The following ALG5 variants were observed in gnomAD, a reference collection of about 807,000 sequenced individuals.
ALG5 encodes ALG5 dolichyl-phosphate beta-glucosyltransferase, also known as dolichyl-phosphate beta-glucosyltransferase.
In ALG5, 26 loss-of-function variants were observed where a neutral mutation model predicts 51.8. The observed-to-expected ratio is 0.50, with a 90% CI of 0.37 to 0.70. The LOEUF is 0.70. Among genes scored for constraint, ALG5 ranks in the 30% least tolerant of loss-of-function variants. The probability of loss-of-function intolerance (pLI) is 0.00; values close to 1 mark genes in which losing one functional copy is unlikely to be tolerated. For synonymous variants in ALG5, 141 were observed against 136.1 expected, an observed-to-expected ratio of 1.04 and a Z score of -0.25; for missense variants, 311 against 399.3, an observed-to-expected ratio of 0.78 and a Z score of 1.88.
At chr13:36,956,898 TAGA>T (rs1033861045) in intron 8 of ALG5, among the ~76,000 whole-genome samples, 3 of 151,980 alleles carry the variant, frequency 2.0e-5, no homozygotes, top group African/African-American at 7.3e-5. Context: ...GAAATGCTTA[TAGA>T]AGGACCCCTA....
chr13:36,996,617 G>A (rs1486159307), intron 1 of ALG5, among the ~76,000 whole-genome samples: 1 of 152,090 alleles, frequency 6.6e-6, no homozygotes, highest in East Asian at 1.9e-4. Flanking sequence ...GAAAAATACT[G>A]TAAATCATAA....
intron 8 of ALG5, chr13:36,952,862 G>A (rs1204063900): frequency 1.3e-5 from 3 of 230,144 alleles, no homozygotes; most frequent in Non-Finnish European, 2.5e-5. Flanking sequence ...AGCCTCATGG[G>A]TTCCAAGAAA....
At chr13:36,965,792 T>C (rs1399236715) in intron 7 of ALG5, 66 bp from the exon 8 acceptor site, 4 of 1,402,312 alleles carry the variant, frequency 2.9e-6, no homozygotes, top group African/African-American at 2.9e-5. Context: ...TGAAAACACC[T>C]GGCTGTAGAC....
At chr13:36,995,350 A>G (rs2059044206) in intron 2 of ALG5, 75 bp downstream of exon 2, 4 of 1,460,824 alleles carry the variant, frequency 2.7e-6, no homozygotes, top group Admixed American at 2.1e-5. Flanking sequence ...TGGCAAAGAC[A>G]GTGAAGTCAA....
intron 6 of ALG5, among the ~76,000 whole-genome samples, chr13:36,976,862 T>G (rs964390689): frequency 6.6e-6 from 1 of 152,232 alleles, no homozygotes; most frequent in Non-Finnish European, 1.5e-5. Context: ...ATGATTTTCT[T>G]AGAGAGGAAG....
intron 7 of ALG5, among the ~76,000 whole-genome samples, chr13:36,966,042 T>C (rs1289814331): frequency 2.6e-5 from 4 of 152,200 alleles, no homozygotes; most frequent in African/African-American, 9.6e-5. Context: ...GAACGTCTTG[T>C]TTACTTACAT....
intron 8 of ALG5, among the ~76,000 whole-genome samples, chr13:36,953,706 T>G (rs1289644617): frequency 1.3e-5 from 2 of 152,188 alleles, no homozygotes; most frequent in African/African-American, 4.8e-5. Context: ...GATTTTTTGG[T>G]TTTTTGCCAC....
At chr13:36,952,018 C>T (rs778516715) in intron 9 of ALG5, among the ~76,000 whole-genome samples, 4 of 152,126 alleles carry the variant, frequency 2.6e-5, no homozygotes, top group Non-Finnish European at 4.4e-5. Context: ...AACTCCTGAC[C>T]TTAGGTGATC....
intron 6 of ALG5, among the ~76,000 whole-genome samples, chr13:36,977,696 G>T (rs1320438344): frequency 1.5e-5 from 2 of 137,266 alleles, no homozygotes; most frequent in African/African-American, 5.4e-5. Context: ...GGAGGCTAAG[G>T]CATGAGAATT....
chr13:36,970,648 C>G (rs1448628690), intron 7 of ALG5, among the ~76,000 whole-genome samples: 1 of 150,406 alleles, frequency 6.6e-6, no homozygotes, highest in African/African-American at 2.4e-5. Flanking sequence ...CGTGGTGGCT[C>G]ATGCCTGTAA....
chr13:36,959,759 A>G (rs907569907), intron 8 of ALG5, among the ~76,000 whole-genome samples: 2 of 152,112 alleles, frequency 1.3e-5, no homozygotes, highest in African/African-American at 2.4e-5. Flanking sequence ...TGAGGGTAGA[A>G]TCAATTTTTT....
chr13:36,970,065 T>C (rs1344323094), intron 7 of ALG5, among the ~76,000 whole-genome samples: 1 of 149,018 alleles, frequency 6.7e-6, no homozygotes, highest in Non-Finnish European at 1.5e-5. Flanking sequence ...TATACATATA[T>C]ATACTATTTT....
intron 5 of ALG5, among the ~76,000 whole-genome samples, chr13:36,987,802 C>G (rs1156909992): frequency 1.3e-5 from 2 of 152,174 alleles, no homozygotes; most frequent in Non-Finnish European, 2.9e-5. Context: ...TCATTTTCTT[C>G]TCTTCTGTCA....
rs534394739 is a variant in ALG5, at chr13:36,961,433, C to T, written c.773+4142G>A. Among the ~76,000 whole-genome samples the T allele has an allele frequency of 2.0e-5, 3 of 152,248 alleles. No individual in the cohort carries two copies. In the South Asian group the frequency reaches 6.2e-4, roughly 32 times the overall value. On this transcript the variant is annotated intron_variant, in intron 8 of 9. Transcript: ENST00000239891. ...ACTAACAACAAAAAACAAACACATA[C>T]TATTTACATAGCACTTACCTTGTAT...
chr13:36,949,851 AGTTT>A lies in ALG5; in HGVS notation c.*87_*90del. Reference sequence around the variant, plus strand: ...TATCAAAAGGCAGACAATGACAAGAAGTTTATTTCAGCTTTACTTAAAATTTTAG... The same window carrying A: ...TATCAAAAGGCAGACAATGACAAGAAATTTCAGCTTTACTTAAAATTTTAG... On this transcript the variant is annotated 3_prime_UTR_variant, in exon 10 of 10. Transcript: ENST00000239891. The A allele has an allele frequency of 1.5e-6, 1 of 665,684 alleles. No homozygotes were observed. Among genetic ancestry groups the A allele is most frequent in the Non-Finnish European group, 2.4e-6 (1 of 416,782 alleles). The allele number at this position is 665,684 out of a possible 1,614,324, so 41.2% of individuals were successfully genotyped here. A position where few individuals can be genotyped will look rare whatever the true frequency, so the allele number is the denominator to read the frequency against.
In ALG5 at chr13:36,949,784, G is replaced by C. The variant is rs1282662860; in HGVS notation, c.*158C>G. The stretch of plus-strand genomic sequence containing the variant: ...TTTAAAAATCATTTATATCCAAAGA[G>C]ATATATAATTTTTTACTTATGGAAA... On this transcript the variant is annotated 3_prime_UTR_variant, in exon 10 of 10. Coordinates refer to ENST00000239891, the MANE Select transcript of ALG5 (RefSeq NM_013338.5). 1 of 459,308 alleles carries C rather than the reference G, an allele frequency of 2.2e-6. No individual in the cohort carries two copies. The allele number at this position is 459,308 out of a possible 1,614,324, so 28.5% of individuals were successfully genotyped here.
intron 4 of ALG5, among the ~76,000 whole-genome samples, chr13:36,991,651 G>A (rs941739339): frequency 2.0e-5 from 3 of 152,192 alleles, no homozygotes; most frequent in Non-Finnish European, 4.4e-5. Context: ...TGGTGGTCAT[G>A]TCACTAAGTT....
At chr13:36,996,410 TC>T in intron 1 of ALG5, among the ~76,000 whole-genome samples, 1 of 152,208 alleles carries the variant, frequency 6.6e-6, no homozygotes, top group Admixed American at 6.5e-5. Context: ...TGAGGTCTGA[TC>T]TTTACTGCCA....
At chr13:36,984,806 T>C (rs900227602) in intron 6 of ALG5, among the ~76,000 whole-genome samples, 2 of 152,058 alleles carry the variant, frequency 1.3e-5, no homozygotes, top group South Asian at 4.2e-4. Context: ...GTTACTTGGG[T>C]TCCCTGGTCT....
Sources: gnomAD v4.1 joint callset for allele counts (sites outside exome capture counted in the v4.1 genomes callset) on GRCh38, gnomAD v4.1.1 for gene constraint, MANE v1.5 for transcripts, NCBI Gene and HGNC (gene_info 2026-07-23, HGNC 2026-07-21) for gene names.